Variants in FAT4 observed in about 807,000 individuals in gnomAD.
FAT4 encodes FAT atypical cadherin 4.
A neutral mutation model predicts 303.9 loss-of-function variants in FAT4; 84 were observed. The observed-to-expected ratio is 0.28, with a 90% CI of 0.23 to 0.33. The LOEUF is 0.33. FAT4 is among the 10% of genes least tolerant of loss of function. The pLI is 1.00. For synonymous variants in FAT4, 2,307 were observed against 2,298.8 expected, an observed-to-expected ratio of 1.00 and a Z score of -0.10; for missense variants, 6,005 against 6,146.8, an observed-to-expected ratio of 0.98 and a Z score of 0.77.
rs564548207 is a variant in FAT4, at chr4:125,406,759, A to G, written c.5308-121A>G. 217 of 1,073,536 alleles carry G rather than the reference A, an allele frequency of 2.0e-4. 1 individual carries two copies. Among genetic ancestry groups the G allele is most frequent in the Admixed American group, 1.8e-3 (76 of 42,118 alleles). The allele number at this position is 1,073,536 out of a possible 1,614,324, so 66.5% of individuals were successfully genotyped here. A position where few individuals can be genotyped will look rare whatever the true frequency, so the allele number is the denominator to read the frequency against. On this transcript the variant is annotated intron_variant, in intron 3 of 17. Transcript: ENST00000394329. Reference sequence around the variant, plus strand: ...ATCTCTCATTACCTGTTTAAGTCTTATAATATCATATGAACTTAAAGCCAA... The same window carrying G: ...ATCTCTCATTACCTGTTTAAGTCTTGTAATATCATATGAACTTAAAGCCAA...
chr4:125,322,751 C>G (rs542848791), intron 2 of FAT4, among the ~76,000 whole-genome samples: 65 of 150,392 alleles, frequency 4.3e-4, no homozygotes, highest in Non-Finnish European at 7.4e-4. Flanking sequence ...ATTTTTGTAT[C>G]CTCTGTGATT....
intron 3 of FAT4, among the ~76,000 whole-genome samples, chr4:125,404,168 C>G (rs1734497106): frequency 6.6e-6 from 1 of 152,014 alleles, no homozygotes; most frequent in Non-Finnish European, 1.5e-5. Flanking sequence ...AGGAAATCAC[C>G]CCCATTTTCA....
intron 2 of FAT4, among the ~76,000 whole-genome samples, chr4:125,364,726 T>G (rs1474948251): frequency 2.0e-5 from 3 of 152,134 alleles, no homozygotes; most frequent in African/African-American, 7.2e-5. Context: ...TTTCAGCTGG[T>G]GCATGGAGTG....
chr4:125,338,063 T>G (rs948758039), intron 2 of FAT4, among the ~76,000 whole-genome samples: 3 of 152,172 alleles, frequency 2.0e-5, no homozygotes, highest in Admixed American at 1.3e-4. Flanking sequence ...CAGACAAGAT[T>G]GCCAGGATAT....
rs760350772 is a variant in FAT4 at position 125,406,862 on chromosome 4, C to T, written c.5308-18C>T. The T allele has an allele frequency of 5.0e-6, 8 of 1,609,868 alleles. No homozygotes were observed. The highest frequency in any genetic ancestry group is 1.3e-5 in the African/African-American group (1 of 74,804). On this transcript the variant is annotated intron_variant, in intron 3 of 17. Transcript: ENST00000394329. Reference sequence around the variant, plus strand: ...TTTTCTACTTCCAATAGCTCAGATGCTTGGTCTCTTTTTTTAGGGTGCAAA... The same window carrying T: ...TTTTCTACTTCCAATAGCTCAGATGTTTGGTCTCTTTTTTTAGGGTGCAAA...
chr4:125,320,297 A>C lies in FAT4; in HGVS notation c.3886A>C (p.Asn1296His). 2 of 1,613,872 alleles carry C rather than the reference A, an allele frequency of 1.2e-6. No individual in the cohort carries two copies. The change falls in exon 2 of 18, where the codon AAT becomes CAT. Residue 1296 changes from asparagine (N) to histidine (H), a missense_variant. Asn to His is a moderately conservative substitution (Grantham distance 68, BLOSUM62 1). Transcript: ENST00000394329. ...QAVDSGTIPLNSTCTLNIDIL... is the reference protein window; with the variant it reads ...QAVDSGTIPLHSTCTLNIDIL... ...AGTGGATTCAGGGACAATCCCCCTC[A>C]ATTCAACGTGTACTTTAAATATTGA...
rs561977551 is a variant in FAT4, at chr4:125,422,797, G to C, written c.7018+6175G>C. On this transcript the variant is annotated intron_variant, in intron 7 of 17. Coordinates refer to ENST00000394329, the MANE Select transcript of FAT4 (RefSeq NM_001291303.3). ...TGGCAGAGACTGGAACAGTTTGGAG[G>C]GTTCAGAATAAGAGAGAAAAATGTT... 3.3e-5 allele frequency among the ~76,000 whole-genome samples: 5 copies of C among 152,290 alleles called. No homozygotes were observed. In the South Asian group the frequency reaches 1.0e-3, roughly 32 times the overall value.
At chr4:125,441,297 A>G (rs544524251) in intron 8 of FAT4, among the ~76,000 whole-genome samples, 3 of 152,322 alleles carry the variant, frequency 2.0e-5, no homozygotes, top group Admixed American at 6.5e-5. Context: ...ATGATCCTTC[A>G]ATGATACTAA....
intron 2 of FAT4, among the ~76,000 whole-genome samples, chr4:125,355,546 C>G (rs1732392161): frequency 6.6e-6 from 1 of 151,910 alleles, no homozygotes; most frequent in Non-Finnish European, 1.5e-5. Flanking sequence ...TTTTTGTTAA[C>G]TTACGCTTTC....
chr4:125,317,329 G>C lies in FAT4; in HGVS notation c.918G>C (p.Thr306=), dbSNP rs749113024. The C allele has an allele frequency of 6.2e-7, 1 of 1,609,698 alleles. No homozygotes were observed. Among genetic ancestry groups the C allele is most frequent in the Non-Finnish European group, 8.5e-7 (1 of 1,177,288 alleles). ...FQMDPETGLI[T]VREPLDFEAR... Reference sequence around the variant, plus strand: ...TGGACCCTGAGACGGGACTTATCACGGTGCGGGAGCCCCTGGACTTCGAAG... The same window carrying C: ...TGGACCCTGAGACGGGACTTATCACCGTGCGGGAGCCCCTGGACTTCGAAG... Residue 306 remains threonine (T), a synonymous_variant, in exon 2 of 18, where the codon ACG becomes ACC. Coordinates refer to ENST00000394329, the MANE Select transcript of FAT4 (RefSeq NM_001291303.3). This position sits in a 1 kb window ranked among gnomAD's most constrained non-coding sequence, Gnocchi z 7.0.
rs549110859 is a variant in FAT4, at chr4:125,449,706, C to T, written c.8696C>T (p.Thr2899Ile). The change falls in exon 10 of 18, where the codon ACA becomes ATA. Residue 2899 changes from threonine to isoleucine, a missense_variant. Physicochemically the swap from Thr to Ile is moderately conservative, Grantham distance 89. Coordinates refer to ENST00000394329, the MANE Select transcript of FAT4 (RefSeq NM_001291303.3). The part of the protein sequence containing the change: ...IGSKVTQVFA[T>I]DPDEGSNGQV... ...TCCAAAGTAACTCAGGTATTTGCAA[C>T]AGATCCTGATGAGGGATCAAATGGA... The T allele has an allele frequency of 3.8e-5, 61 of 1,613,934 alleles. No individual in the cohort carries two copies. The highest frequency in any genetic ancestry group is 5.1e-5 in the Non-Finnish European group (60 of 1,179,894).
Position 125,316,943 on chromosome 4 carries a change from C to A in FAT4, c.532C>A (p.Arg178Ser), listed in dbSNP as rs201952959. The A allele has an allele frequency of 1.2e-6, 2 of 1,613,956 alleles. No individual in the cohort carries two copies. Among genetic ancestry groups the A allele is most frequent in the East Asian group, 2.2e-5 (1 of 44,864 alleles). Reference protein sequence around the residue: ...GVDHRSYRIIRGNEAGRFRLD... With the variant: ...GVDHRSYRIISGNEAGRFRLD... ...GGACCACCGCTCCTACCGCATCATC[C>A]GCGGCAATGAGGCGGGGCGCTTCCG... The change falls in exon 2 of 18, where the codon CGC becomes AGC. Residue 178 changes from arginine (R) to serine (S), a missense_variant. Transcript: ENST00000394329. The surrounding 1 kb of genome is among the most constrained non-coding windows in gnomAD (Gnocchi z 5.7).
chr4:125,349,604 G>A (rs1241860522), intron 2 of FAT4, among the ~76,000 whole-genome samples: 1 of 151,660 alleles, frequency 6.6e-6, no homozygotes, highest in African/African-American at 2.4e-5. Flanking sequence ...CAGCCAAATA[G>A]CACAAGTGAA....
chr4:125,365,801 T>A (rs909486186), intron 2 of FAT4, among the ~76,000 whole-genome samples: 2 of 152,224 alleles, frequency 1.3e-5, no homozygotes, highest in African/African-American at 4.8e-5. Flanking sequence ...CTTTATAGAT[T>A]TAACTTTTAT....
chr4:125,491,389 A>G lies in FAT4; in HGVS notation c.14573A>G (p.Asp4858Gly), dbSNP rs1304228310. Residue 4858 changes from aspartate (D) to glycine (G), a missense_variant, in exon 18 of 18, where the codon GAC (aspartate) becomes GGC (glycine). Transcript: ENST00000394329. ...TTCACTTGCTCAGAAATGGAATATG[A>G]CAGGGAGAAGCCAATGGTATATACT... is the stretch of plus-strand genomic sequence containing the variant. ...ESFTCSEMEYDREKPMVYTSR... is the reference protein window; with the variant it reads ...ESFTCSEMEYGREKPMVYTSR... 1 of 1,614,038 alleles carries G rather than the reference A, an allele frequency of 6.2e-7. No homozygotes were observed. The highest frequency in any genetic ancestry group is 8.5e-7 in the Non-Finnish European group (1 of 1,180,008).
intron 2 of FAT4, among the ~76,000 whole-genome samples, chr4:125,368,847 A>G (rs1732992447): frequency 6.6e-6 from 1 of 152,082 alleles, no homozygotes; most frequent in African/African-American, 2.4e-5. Flanking sequence ...CATGTTCTCC[A>G]TGCTTTCGTG....
In FAT4 at chr4:125,408,727, A is replaced by G. The variant is rs765040150; in HGVS notation, c.5853A>G (p.Thr1951=). ...PPIFSLNSYS[T]SLMENLPVGS... ...TTTTCAGCTTGAATTCATACAGCAC[A>G]TCTTTAATGGAGAATCTACCTGTGG... is the stretch of plus-strand genomic sequence containing the variant. The change falls in exon 5 of 18, where the codon ACA becomes ACG. Residue 1951 remains threonine, a synonymous_variant. Transcript: ENST00000394329. The G allele has an allele frequency of 6.2e-7, 1 of 1,610,876 alleles. No individual in the cohort carries two copies. Among genetic ancestry groups the G allele is most frequent in the South Asian group, 1.1e-5 (1 of 90,756 alleles).
At chr4:125,379,427 A>C (rs1733454396) in intron 2 of FAT4, among the ~76,000 whole-genome samples, 1 of 152,062 alleles carries the variant, frequency 6.6e-6, no homozygotes, top group Non-Finnish European at 1.5e-5. Flanking sequence ...GTTATTTATT[A>C]AGTTAGAACT....
intron 8 of FAT4, among the ~76,000 whole-genome samples, chr4:125,442,843 G>T (rs1040948989): frequency 3.3e-5 from 5 of 152,006 alleles, no homozygotes. Context: ...ATATTATATA[G>T]GTCCTATTAT....
Sources: gnomAD v4.1 joint callset for allele counts (sites outside exome capture counted in the v4.1 genomes callset) on GRCh38, gnomAD v4.1.1 for gene constraint, Gnocchi (gnomAD v3.1) non-coding constraint, MANE v1.5 for transcripts, NCBI Gene and HGNC (gene_info 2026-07-23, HGNC 2026-07-21) for gene names.